ONECUT3: variants seen among roughly 807,000 people sequenced by gnomAD.
ONECUT3 encodes one cut homeobox 3.
ONECUT3 carries 11 observed loss-of-function variants against 16.8 expected under a neutral mutation model. The ratio of observed to expected loss-of-function variants is 0.66; its 90% confidence interval spans 0.41 to 1.09. The LOEUF is 1.09. ONECUT3 is among the 50% of genes least tolerant of loss of function. ONECUT3 has a pLI of 0.00. For synonymous variants in ONECUT3, 344 were observed against 310.7 expected, an observed-to-expected ratio of 1.11 and a Z score of -1.13; for missense variants, 637 against 629.9, an observed-to-expected ratio of 1.01 and a Z score of -0.12.
At chr19:1,765,482 AG>A (rs758317773) in intron 1 of ONECUT3, among the ~76,000 whole-genome samples, 1 of 152,172 alleles carries the variant, frequency 6.6e-6, no homozygotes, top group Non-Finnish European at 1.5e-5. Flanking sequence ...TCCTGGACTC[AG>A]AGCGGAGCTG....
rs1206140380 is a variant in ONECUT3 at position 1,758,779 on chromosome 19, C to A, written c.1192+3925C>A. On this transcript the variant is annotated intron_variant, in intron 1 of 1. Coordinates refer to ENST00000382349, the MANE Select transcript of ONECUT3 (RefSeq NM_001080488.2). This position sits in a 1 kb window ranked among gnomAD's most constrained non-coding sequence, Gnocchi z 5.9. The stretch of plus-strand genomic sequence containing the variant: ...GGAGAGGGGCTGGGGGAGGGGCGGG[C>A]GGGCTCCTCGGCGGGGGTGGGGGCG... 8.0e-6 allele frequency among the ~76,000 whole-genome samples: 1 copy of A among 125,590 alleles called. No homozygotes were observed. The highest frequency in any genetic ancestry group is 1.8e-5 in the Non-Finnish European group (1 of 56,860). The allele number at this position is 125,590 out of a possible 152,430, so 82.4% of individuals were successfully genotyped here.
chr19:1,765,287 C>T (rs950813173), intron 1 of ONECUT3, among the ~76,000 whole-genome samples: 2 of 152,208 alleles, frequency 1.3e-5, no homozygotes, highest in African/African-American at 2.4e-5. Flanking sequence ...CCGTGCCGCC[C>T]CCAGCACTGC....
chr19:1,775,315 G>C lies in ONECUT3; in HGVS notation c.1355G>C (p.Gly452Ala). 1 of 1,600,856 alleles carries C rather than the reference G, an allele frequency of 6.2e-7. No homozygotes were observed. The highest frequency in any genetic ancestry group is 8.5e-7 in the Non-Finnish European group (1 of 1,173,854). ...EMQVTISQQL[G>A]LELNTVSNFF... ...CAGGTCACCATCTCGCAGCAGCTCG[G>C]CTTGGAGCTCAACACCGTCAGCAAC... The change falls in exon 2 of 2, where the codon GGC (glycine) becomes GCC (alanine). Residue 452 changes from glycine to alanine, a missense_variant. Physicochemically the swap from Gly to Ala is moderately conservative, Grantham distance 60. Coordinates refer to ENST00000382349, the MANE Select transcript of ONECUT3 (RefSeq NM_001080488.2).
intron 1 of ONECUT3, among the ~76,000 whole-genome samples, chr19:1,765,089 G>C (rs2067973902): frequency 6.6e-6 from 1 of 152,126 alleles, no homozygotes; most frequent in Admixed American, 6.5e-5. Flanking sequence ...CGGGCACAGA[G>C]GGACATGGGA....
chr19:1,755,641 C>T lies in ONECUT3; in HGVS notation c.1192+787C>T, dbSNP rs1280949935. 1.3e-5 allele frequency among the ~76,000 whole-genome samples: 2 copies of T among 152,208 alleles called. No individual in the cohort carries two copies. The highest frequency in any genetic ancestry group is 2.9e-5 in the Non-Finnish European group (2 of 68,022). On this transcript the variant is annotated intron_variant, in intron 1 of 1. Coordinates refer to ENST00000382349, the MANE Select transcript of ONECUT3 (RefSeq NM_001080488.2). The surrounding 1 kb of genome is among the most constrained non-coding windows in gnomAD (Gnocchi z 7.5). ...TGGGGTTTTGTGTCTCTCATGTCCA[C>T]TTCTCTCCTCTCTCGGTCGGAACAC...
rs2068139339 is a variant in ONECUT3, at chr19:1,779,519, CTT to C, written c.*4075_*4076del. ...TGTTTCTTGTTTTCTGGAGTCATGTCTTATAAGAGTATTTATTATTCTCTGTG... is the reference window on the plus strand; with the variant it reads ...TGTTTCTTGTTTTCTGGAGTCATGTCATAAGAGTATTTATTATTCTCTGTG... On this transcript the variant is annotated 3_prime_UTR_variant, in exon 2 of 2. Transcript: ENST00000382349. 6.7e-6 allele frequency: 1 copy of C among 149,344 alleles called. No homozygotes were observed. Among genetic ancestry groups the C allele is most frequent in the Non-Finnish European group, 1.5e-5 (1 of 67,642 alleles). 9.3% of individuals were successfully genotyped at this position (149,344 alleles called of 1,614,324 possible).
chr19:1,775,166 G>C lies in ONECUT3; in HGVS notation c.1206G>C (p.Lys402Asn), dbSNP rs1344292991. The C allele has an allele frequency of 3.7e-6, 5 of 1,364,936 alleles. No individual in the cohort carries two copies. The highest frequency in any genetic ancestry group is 4.9e-6 in the Non-Finnish European group (5 of 1,024,120). The allele number at this position is 1,364,936 out of a possible 1,614,324, so 84.6% of individuals were successfully genotyped here. A position where few individuals can be genotyped will look rare whatever the true frequency, so the allele number is the denominator to read the frequency against. The change falls in exon 2 of 2, where the codon AAG becomes AAC. Residue 402 changes from lysine to asparagine, a missense_variant. Around this residue, in one of 3 missense-constraint regions of ONECUT3, gnomAD observed 183 missense variants for 188.3 expected, o/e 0.97. Transcript: ENST00000382349. ...SALRLAACKRKEQEQQKERAL... is the reference protein window; with the variant it reads ...SALRLAACKRNEQEQQKERAL... ...GCTCGCCCGCAGCCTGCAAGCGCAA[G>C]GAACAGGAGCAGCAGAAGGAGCGCG... is the stretch of plus-strand genomic sequence containing the variant.
rs759255372 is a variant in ONECUT3, at chr19:1,758,315, A to C, written c.1192+3461A>C. 1.3e-5 allele frequency among the ~76,000 whole-genome samples: 1 copy of C among 77,022 alleles called. No individual in the cohort carries two copies. The highest frequency in any genetic ancestry group is 4.0e-5 in the African/African-American group (1 of 24,788). 50.5% of individuals were successfully genotyped at this position (77,022 alleles called of 152,430 possible). ...GCAGAGAGACCAAAAAAAAAAAAAA[A>C]AGAGAGAGAGAGAGAGAGAGACAGA... On this transcript the variant is annotated intron_variant, in intron 1 of 1. Coordinates refer to ENST00000382349, the MANE Select transcript of ONECUT3 (RefSeq NM_001080488.2). The surrounding 1 kb of genome is among the most constrained non-coding windows in gnomAD (Gnocchi z 5.9).
chr19:1,761,963 C>T (rs372948965), intron 1 of ONECUT3, among the ~76,000 whole-genome samples: 6 of 152,332 alleles, frequency 3.9e-5, no homozygotes, highest in African/African-American at 1.4e-4. Flanking sequence ...GAAGATGTGC[C>T]TGGCACAGGC....
chr19:1,754,824 T>G lies in ONECUT3; in HGVS notation c.1162T>G (p.Phe388Val), dbSNP rs1320074374. The change falls in exon 1 of 2, where the codon TTC becomes GTC. Residue 388 changes from phenylalanine (F) to valine (V), a missense_variant. Physicochemically the swap from Phe to Val is conservative, Grantham distance 50. This residue lies in a region of ONECUT3 where 183 missense variants were observed against 188.3 expected (regional missense o/e 0.97). Transcript: ENST00000382349. The surrounding 1 kb of genome is among the most constrained non-coding windows in gnomAD (Gnocchi z 7.4). ...RMWKWLQEPE[F>V]QRMSALRLAA... ...GTGGAAGTGGCTGCAGGAGCCAGAG[T>G]TCCAGCGCATGTCGGCGCTGCGCTT... 4.6e-6 allele frequency: 7 copies of G among 1,534,652 alleles called. No homozygotes were observed. Among genetic ancestry groups the G allele is most frequent in the African/African-American group, 2.8e-5 (2 of 70,622 alleles).
intron 1 of ONECUT3, among the ~76,000 whole-genome samples, chr19:1,774,354 G>A (rs2068084648): frequency 6.6e-6 from 1 of 151,872 alleles, no homozygotes; most frequent in African/African-American, 2.4e-5. Flanking sequence ...GCTGAGGCCA[G>A]AGGATCACTT....
At chr19:1,767,948 C>A (rs902211889) in intron 1 of ONECUT3, among the ~76,000 whole-genome samples, 1 of 152,140 alleles carries the variant, frequency 6.6e-6, no homozygotes, top group African/African-American at 2.4e-5. Context: ...TCCTCCTCAT[C>A]CTTAGATTCC....
At position 1,753,829 on chromosome 19, in the gene ONECUT3, G is replaced by A. The variant is rs1256852254; in HGVS notation, c.167G>A (p.Gly56Asp). 2.3e-6 allele frequency: 2 copies of A among 882,348 alleles called. No individual in the cohort carries two copies. The highest frequency in any genetic ancestry group is 1.4e-6 in the Non-Finnish European group (1 of 739,202). The allele number at this position is 882,348 out of a possible 1,614,324, so 54.7% of individuals were successfully genotyped here. The change falls in exon 1 of 2, where the codon GGC becomes GAC. Residue 56 changes from glycine (G) to aspartate (D), a missense_variant. Gly to Asp is a moderately conservative substitution (Grantham distance 94). Transcript: ENST00000382349. ...GCCGGCATGGCGAGCCTGCTGGACG[G>A]CGGCGGCGGCGGCGGCGGTGGGGGC... ...LVAGMASLLD[G>D]GGGGGGGGAG... is the part of the protein sequence containing the mutation.
At position 1,780,950 on chromosome 19, in the gene ONECUT3, C is replaced by T. The variant is rs1439755536; in HGVS notation, c.*5505C>T. On this transcript the variant is annotated 3_prime_UTR_variant, in exon 2 of 2. Transcript: ENST00000382349. ...GAGAGAAGCCCTTTTCCACCTTCAC[C>T]CTTGGGCGACAGGCTTAAAAGCTAA... 6.9e-6 allele frequency: 1 copy of T among 144,358 alleles called. No individual in the cohort carries two copies. Among genetic ancestry groups the T allele is most frequent in the Admixed American group, 7.0e-5 (1 of 14,280 alleles). The allele number at this position is 144,358 out of a possible 1,614,324, so 8.9% of individuals were successfully genotyped here. A position where few individuals can be genotyped will look rare whatever the true frequency, so the allele number is the denominator to read the frequency against.
At chr19:1,774,946 T>C (rs1001017782) in intron 1 of ONECUT3, among the ~76,000 whole-genome samples, 11 of 152,088 alleles carry the variant, frequency 7.2e-5, no homozygotes, top group Admixed American at 1.3e-4. Flanking sequence ...CGTCCCTGTG[T>C]TCCCCGCTGT....
At chr19:1,772,993 G>A (rs1007690675) in intron 1 of ONECUT3, among the ~76,000 whole-genome samples, 18 of 151,150 alleles carry the variant, frequency 1.2e-4, no homozygotes, top group Non-Finnish European at 2.2e-4. Context: ...GTGAGCCACC[G>A]CGCCCGGCCA....
intron 1 of ONECUT3, among the ~76,000 whole-genome samples, chr19:1,767,906 G>A (rs985656265): frequency 1.3e-5 from 2 of 152,122 alleles, no homozygotes; most frequent in African/African-American, 4.8e-5. Context: ...CTCCTCCCAG[G>A]GCCCCGGGGA....
chr19:1,766,215 G>A lies in ONECUT3; in HGVS notation c.1193-8938G>A, dbSNP rs1188077802. Among the ~76,000 whole-genome samples, 2 of 152,102 alleles carry A rather than the reference G, an allele frequency of 1.3e-5. No individual in the cohort carries two copies. The highest frequency in any genetic ancestry group is 4.8e-5 in the African/African-American group (2 of 41,414). ...ACCCACAGCACCTCGCTCAGACTTC[G>A]CCCTCCACCCCGCCGGGACATTTGG... On this transcript the variant is annotated intron_variant, in intron 1 of 1. Transcript: ENST00000382349. This position sits in a 1 kb window ranked among gnomAD's most constrained non-coding sequence, Gnocchi z 4.0.
chr19:1,773,136 A>T (rs766518878), intron 1 of ONECUT3, among the ~76,000 whole-genome samples: 13 of 151,962 alleles, frequency 8.6e-5, no homozygotes, highest in Admixed American at 3.3e-4. Context: ...TACTTGTTTC[A>T]TGGATACGAT....
Sources: allele counts gnomAD v4.1 joint callset (sites outside exome capture counted in the v4.1 genomes callset), GRCh38; gene constraint gnomAD v4.1.1; regional missense constraint gnomAD v4.1.1; non-coding constraint Gnocchi (gnomAD v3.1); transcripts MANE v1.5; gene names NCBI Gene and HGNC (gene_info 2026-07-23, HGNC 2026-07-21).